PIEZO2: variants seen among roughly 807,000 people sequenced by gnomAD.
The protein encoded by PIEZO2 is piezo type mechanosensitive ion channel component 2.
PIEZO2 carries 172 observed loss-of-function variants against 337.3 expected under a neutral mutation model. The ratio of observed to expected loss-of-function variants is 0.51; its 90% CI spans 0.45 to 0.58. The LOEUF is 0.58. PIEZO2 is among the 20% of genes least tolerant of loss of function. The probability of loss-of-function intolerance (pLI) is 0.00; values close to 1 mark genes in which losing one functional copy is unlikely to be tolerated. For missense variants in PIEZO2, 3,028 were observed against 3,391.3 expected, an observed-to-expected ratio of 0.89 and a Z score of 2.66; for synonymous variants, 1,251 against 1,228.5, an observed-to-expected ratio of 1.02 and a Z score of -0.38.
chr18:11,079,456 C>G (rs1185331084), intron 1 of PIEZO2, among the ~76,000 whole-genome samples: 1 of 152,200 alleles, frequency 6.6e-6, no homozygotes, highest in Non-Finnish European at 1.5e-5. Flanking sequence ...TTGAAAAAGT[C>G]AAGCAACAAC....
intron 3 of PIEZO2, among the ~76,000 whole-genome samples, chr18:10,927,627 G>A (rs776085411): frequency 3.3e-4 from 50 of 152,170 alleles, no homozygotes; most frequent in Non-Finnish European, 6.5e-4. Flanking sequence ...CACATTTAAA[G>A]AATGCAGCAA....
Position 11,129,714 on chromosome 18 carries a change from G to C in PIEZO2, c.64+18811C>G, listed in dbSNP as rs1599004800. On this transcript the variant is annotated intron_variant, in intron 1 of 55. Coordinates refer to ENST00000674853, the MANE Select transcript of PIEZO2 (RefSeq NM_001378183.1). The surrounding 1 kb of genome is among the most constrained non-coding windows in gnomAD (Gnocchi z 4.6). ...AGGAGACCTCCAGACTTTTACCAGG[G>C]TAACTGTGCATTGAGGAAAGGGAAA... Among the ~76,000 whole-genome samples the C allele has an allele frequency of 6.6e-6, 1 of 152,266 alleles. No homozygotes were observed. Among genetic ancestry groups the C allele is most frequent in the East Asian group, 1.9e-4 (1 of 5,174 alleles).
intron 2 of PIEZO2, among the ~76,000 whole-genome samples, chr18:10,991,245 T>C (rs1017445066): frequency 6.6e-6 from 1 of 151,504 alleles, no homozygotes; most frequent in Non-Finnish European, 1.5e-5. Context: ...TTTTTTTTTC[T>C]TATACTTTAA....
intron 41 of PIEZO2, 141 bp downstream of exon 41, chr18:10,705,195 G>A: frequency 8.8e-7 from 1 of 1,130,996 alleles, no homozygotes; most frequent in Non-Finnish European, 1.2e-6. Flanking sequence ...TGCAGTGCAA[G>A]AAGTCTTGGA....
intron 5 of PIEZO2, among the ~76,000 whole-genome samples, chr18:10,860,213 A>G (rs2041837379): frequency 1.3e-5 from 2 of 152,162 alleles, no homozygotes; most frequent in African/African-American, 4.8e-5. Context: ...TTTAAACGTC[A>G]GTAGCCTGTT....
intron 1 of PIEZO2, among the ~76,000 whole-genome samples, chr18:11,095,941 A>C (rs1229532502): frequency 6.6e-6 from 1 of 152,206 alleles, no homozygotes; most frequent in African/African-American, 2.4e-5. Context: ...AGAAGACTAT[A>C]AATTAAATTC....
chr18:10,997,219 T>C (rs1467168455), intron 2 of PIEZO2, among the ~76,000 whole-genome samples: 3 of 149,128 alleles, frequency 2.0e-5, no homozygotes, highest in African/African-American at 7.5e-5. Flanking sequence ...GCTTTCAGCC[T>C]GAGACCAACC....
At chr18:11,076,005 C>G (rs1364305414) in intron 1 of PIEZO2, among the ~76,000 whole-genome samples, 2 of 152,028 alleles carry the variant, frequency 1.3e-5, no homozygotes, top group Non-Finnish European at 2.9e-5. Flanking sequence ...CCAGGATGGC[C>G]TGGATCTCCT....
Position 10,855,302 on chromosome 18 carries a change from A to G in PIEZO2, c.917+51T>C, listed in dbSNP as rs1219053113. ...TTCACAATGCCAAACCAAGGTCCCAAAGGCGTGGGGGGACAACCTCTCCTG... is the reference window on the plus strand; with the variant it reads ...TTCACAATGCCAAACCAAGGTCCCAGAGGCGTGGGGGGACAACCTCTCCTG... On this transcript the variant is annotated intron_variant, in intron 7 of 55. Coordinates refer to ENST00000674853, the MANE Select transcript of PIEZO2 (RefSeq NM_001378183.1). This position sits in a 1 kb window ranked among gnomAD's most constrained non-coding sequence, Gnocchi z 4.9. The G allele has an allele frequency of 6.9e-7, 1 of 1,449,172 alleles. No homozygotes were observed. The highest frequency in any genetic ancestry group is 9.4e-7 in the Non-Finnish European group (1 of 1,068,650). 89.8% of individuals were successfully genotyped at this position (1,449,172 alleles called of 1,614,324 possible).
Position 11,021,049 on chromosome 18 carries a change from G to A in PIEZO2, c.161-41389C>T, listed in dbSNP as rs1451109416. On this transcript the variant is annotated intron_variant, in intron 2 of 55. Coordinates refer to ENST00000674853, the MANE Select transcript of PIEZO2 (RefSeq NM_001378183.1). This position sits in a 1 kb window ranked among gnomAD's most constrained non-coding sequence, Gnocchi z 4.7. ...CAGCAGAAAAGCACTAACCCTCATG[G>A]AGTCACTGTAGGAAGTGACTTGTCT... Among the ~76,000 whole-genome samples the A allele has an allele frequency of 6.6e-6, 1 of 152,352 alleles. No homozygotes were observed. The highest frequency in any genetic ancestry group is 1.9e-4 in the East Asian group (1 of 5,190).
In PIEZO2 at chr18:11,080,974, A is replaced by G. The variant is rs904088149; in HGVS notation, c.65-14752T>C. ...TTATTCTGCAACATACCATCTGGCT[A>G]ACATAATGACATGGCTACAATAACA... On this transcript the variant is annotated intron_variant, in intron 1 of 55. Transcript: ENST00000674853. This position sits in a 1 kb window ranked among gnomAD's most constrained non-coding sequence, Gnocchi z 5.4. Among the ~76,000 whole-genome samples, 1 of 152,246 alleles carries G rather than the reference A, an allele frequency of 6.6e-6. No individual in the cohort carries two copies. Among genetic ancestry groups the G allele is most frequent in the Non-Finnish European group, 1.5e-5 (1 of 68,030 alleles).
rs567112406 is a variant in PIEZO2 at position 10,726,445 on chromosome 18, G to T, written c.5029+4962C>A. ...GAGGGCCGGCTGCGGTACGGGCTACGGCCGGCGAACCCCACGAGGAGGGCC... is the reference window on the plus strand; with the variant it reads ...GAGGGCCGGCTGCGGTACGGGCTACTGCCGGCGAACCCCACGAGGAGGGCC... On this transcript the variant is annotated intron_variant, in intron 36 of 55. Transcript: ENST00000674853. This position sits in a 1 kb window ranked among gnomAD's most constrained non-coding sequence, Gnocchi z 5.9. The T allele has an allele frequency of 5.8e-5, 88 of 1,529,880 alleles. No individual in the cohort carries two copies. Among genetic ancestry groups the T allele is most frequent in the Middle Eastern group, 4.6e-4 (2 of 4,390 alleles). The allele number at this position is 1,529,880 out of a possible 1,614,324, so 94.8% of individuals were successfully genotyped here. A position where few individuals can be genotyped will look rare whatever the true frequency, so the allele number is the denominator to read the frequency against.
intron 1 of PIEZO2, among the ~76,000 whole-genome samples, chr18:11,140,837 C>T (rs1202295576): frequency 6.6e-6 from 1 of 152,234 alleles, no homozygotes. Flanking sequence ...AAGATTCCTA[C>T]ACTCAGGCTA....
rs2035610523 is a variant in PIEZO2 at position 11,003,268 on chromosome 18, T to C, written c.161-23608A>G. Among the ~76,000 whole-genome samples the C allele has an allele frequency of 6.6e-6, 1 of 152,216 alleles. No homozygotes were observed. Among genetic ancestry groups the C allele is most frequent in the African/African-American group, 2.4e-5 (1 of 41,448 alleles). ...TTTCTTTTGTTGTTTGTTTGTTTTGTTTTGTTTTGTTTTGCCAATTCACTT... is the reference window on the plus strand; with the variant it reads ...TTTCTTTTGTTGTTTGTTTGTTTTGCTTTGTTTTGTTTTGCCAATTCACTT... On this transcript the variant is annotated intron_variant, in intron 2 of 55. Transcript: ENST00000674853. This position sits in a 1 kb window ranked among gnomAD's most constrained non-coding sequence, Gnocchi z 4.6.
intron 42 of PIEZO2, 30 bp from the exon 43 acceptor site, chr18:10,702,201 AT>A: frequency 2.6e-6 from 4 of 1,522,930 alleles, no homozygotes; most frequent in African/African-American, 1.4e-5. Flanking sequence ...ATTTTAAAAC[AT>A]TACTCCTTTT....
Position 10,979,680 on chromosome 18 carries a change from G to C in PIEZO2, c.161-20C>G. On this transcript the variant is annotated intron_variant, in intron 2 of 55. Transcript: ENST00000674853. The surrounding 1 kb of genome is among the most constrained non-coding windows in gnomAD (Gnocchi z 4.0). ...TATGTCCTAAGGGATAAAAAGTGCA[G>C]AGATTGTGAGAGAGCTTAAGATGAA... is the stretch of plus-strand genomic sequence containing the variant. 1 of 1,516,304 alleles carries C rather than the reference G, an allele frequency of 6.6e-7. No individual in the cohort carries two copies. Among genetic ancestry groups the C allele is most frequent in the Non-Finnish European group, 8.8e-7 (1 of 1,133,188 alleles). The allele number at this position is 1,516,304 out of a possible 1,614,324, so 93.9% of individuals were successfully genotyped here.
intron 33 of PIEZO2, chr18:10,738,870 G>A (rs762056570): frequency 6.6e-6 from 1 of 152,154 alleles, no homozygotes; most frequent in Non-Finnish European, 1.5e-5. Flanking sequence ...TCTTGTGTGT[G>A]TACATAGGTA....
At chr18:10,718,594 A>AAATACTATT (rs1169790502) in intron 36 of PIEZO2, among the ~76,000 whole-genome samples, 21 of 152,336 alleles carry the variant, frequency 1.4e-4, no homozygotes, top group African/African-American at 5.1e-4. Context: ...TATTTGGTGC[A>AAATACTATT]TGTGAAAATT....
chr18:10,741,224 T>A, intron 32 of PIEZO2, 122 bp from the exon 33 acceptor site: 1 of 778,192 alleles, frequency 1.3e-6, no homozygotes, highest in Non-Finnish European at 2.0e-6. Flanking sequence ...AGAGGTCAGG[T>A]AAAGGAACTA....
Sources: gnomAD v4.1 joint callset for allele counts (sites outside exome capture counted in the v4.1 genomes callset) on GRCh38, gnomAD v4.1.1 for gene constraint, Gnocchi (gnomAD v3.1) non-coding constraint, MANE v1.5 for transcripts, NCBI Gene and HGNC (gene_info 2026-07-23, HGNC 2026-07-21) for gene names.